TRANK1: variants seen among roughly 807,000 people sequenced by gnomAD.
TRANK1 encodes the protein tetratricopeptide repeat and ankyrin repeat containing 1.
A neutral mutation model predicts 266.0 loss-of-function variants in TRANK1; 198 were observed. That is an observed-to-expected ratio of 0.74 (90% CI 0.66 to 0.84). The LOEUF (loss-of-function observed/expected upper bound fraction) is 0.84. TRANK1 is among the 40% of genes least tolerant of loss of function. The pLI is 0.00. For missense variants in TRANK1, 3,326 were observed against 3,634.6 expected, an observed-to-expected ratio of 0.92 and a Z score of 2.18; for synonymous variants, 1,396 against 1,384.1, an observed-to-expected ratio of 1.01 and a Z score of -0.19.
At chr3:36,865,128 A>C (rs1284185242) in intron 9 of TRANK1, among the ~76,000 whole-genome samples, 2 of 149,244 alleles carry the variant, frequency 1.3e-5, no homozygotes, top group Non-Finnish European at 3.0e-5. Context: ...CCAAGGTTCA[A>C]GCAATTCTCC....
rs1048416334 is a variant in TRANK1, at chr3:36,905,328, C to T, written c.156-2053G>A. Among the ~76,000 whole-genome samples the T allele has an allele frequency of 9.2e-5, 14 of 152,012 alleles. 1 individual carries two copies. Among genetic ancestry groups the T allele is most frequent in the South Asian group, 6.2e-4 (3 of 4,806 alleles). On this transcript the variant is annotated intron_variant, in intron 2 of 23. Transcript: ENST00000645898. ...AAAAATCCCTGGGTTGAAGCCCTAC[C>T]CCTCAATGTGACAATATTTGAACAT...
At chr3:36,855,027 T>C in intron 13 of TRANK1, 146 bp downstream of exon 13, 1 of 704,200 alleles carries the variant, frequency 1.4e-6, no homozygotes, top group South Asian at 2.0e-5. Flanking sequence ...CTATCTCTTG[T>C]CCATGAGCGT....
chr3:36,932,496 G>C (rs184374680), intron 1 of TRANK1, among the ~76,000 whole-genome samples: 4 of 152,334 alleles, frequency 2.6e-5, no homozygotes, highest in African/African-American at 9.6e-5. Flanking sequence ...CTGGGAGGTG[G>C]AGGTCGCAGT....
At chr3:36,943,671 C>T (rs2080529368) in intron 1 of TRANK1, among the ~76,000 whole-genome samples, 2 of 151,570 alleles carry the variant, frequency 1.3e-5, no homozygotes, top group South Asian at 4.2e-4. Context: ...AAACAGGATG[C>T]CATCCGGATA....
At chr3:36,917,402 G>A (rs1203003727) in intron 1 of TRANK1, among the ~76,000 whole-genome samples, 3 of 152,082 alleles carry the variant, frequency 2.0e-5, no homozygotes, top group Non-Finnish European at 4.4e-5. Flanking sequence ...AGCTAAATAT[G>A]GTGTCATCAA....
intron 3 of TRANK1, among the ~76,000 whole-genome samples, chr3:36,902,130 C>T (rs1027216673): frequency 5.3e-5 from 8 of 151,916 alleles, no homozygotes; most frequent in South Asian, 2.1e-4. Context: ...AAAAAATAAC[C>T]GCAAAAAAAA....
chr3:36,857,291 T>G lies in TRANK1; in HGVS notation c.2431A>C (p.Asn811His). Residue 811 changes from asparagine to histidine, a missense_variant, in exon 13 of 24, where the codon AAT becomes CAT. Transcript: ENST00000645898. The surrounding 1 kb of genome is among the most constrained non-coding windows in gnomAD (Gnocchi z 4.3). ...VPDDNRGKEG[N>H]DDQDDWSTQE... is the part of the protein sequence containing the mutation. ...GTGCTCCAGTCATCCTGATCATCAT[T>G]GCCCTCCTTCCCCCTGTTATCATCA... is the stretch of plus-strand genomic sequence containing the variant. 6.2e-7 allele frequency: 1 copy of G among 1,610,146 alleles called. No homozygotes were observed. The highest frequency in any genetic ancestry group is 8.5e-7 in the Non-Finnish European group (1 of 1,178,010).
intron 14 of TRANK1, 86 bp downstream of exon 14, chr3:36,852,060 T>C: frequency 2.1e-6 from 3 of 1,419,976 alleles, no homozygotes; most frequent in East Asian, 2.4e-5. Context: ...TTTTTAATGC[T>C]ACTTTGTGGT....
At chr3:36,914,706 C>T (rs1022716713) in intron 1 of TRANK1, among the ~76,000 whole-genome samples, 3 of 151,740 alleles carry the variant, frequency 2.0e-5, no homozygotes, top group Non-Finnish European at 2.9e-5. Flanking sequence ...GGCGCGATCT[C>T]GGCTCACTGC....
At chr3:36,852,900 T>C (rs1184075380) in intron 13 of TRANK1, among the ~76,000 whole-genome samples, 2 of 151,200 alleles carry the variant, frequency 1.3e-5, no homozygotes, top group African/African-American at 4.9e-5. Flanking sequence ...ACAGAACCAA[T>C]ATTACCATGG....
At chr3:36,932,518 G>A (rs747745053) in intron 1 of TRANK1, among the ~76,000 whole-genome samples, 1 of 152,156 alleles carries the variant, frequency 6.6e-6, no homozygotes, top group Non-Finnish European at 1.5e-5. Flanking sequence ...AGCCGAGATC[G>A]CACCACTGCA....
chr3:36,850,718 G>A, intron 15 of TRANK1: 2 of 983,038 alleles, frequency 2.0e-6, no homozygotes, highest in Admixed American at 6.2e-5. Context: ...AAACTGCAAA[G>A]CACCTATATC....
Position 36,856,605 on chromosome 3 carries a change from G to A in TRANK1, c.3117C>T (p.Asn1039=), listed in dbSNP as rs965369021. Residue 1039 remains asparagine, a synonymous_variant, in exon 13 of 24, where the codon AAC becomes AAT. Coordinates refer to ENST00000645898, the MANE Select transcript of TRANK1 (RefSeq NM_001329998.2). Reference sequence around the variant, plus strand: ...CTGTGGCTGTCGTGTCATTGAGGATGTTAAAGGCCATGTTGGTGCTGAAGC... The same window carrying A: ...CTGTGGCTGTCGTGTCATTGAGGATATTAAAGGCCATGTTGGTGCTGAAGC... The part of the protein sequence containing the change: ...FHSFSTNMAF[N]ILNDTTATVE... 1.4e-5 allele frequency: 23 copies of A among 1,613,898 alleles called. No homozygotes were observed. The highest frequency in any genetic ancestry group is 1.9e-5 in the Non-Finnish European group (22 of 1,179,898).
chr3:36,852,260 G>A lies in TRANK1; in HGVS notation c.4635C>T (p.Gly1545=), dbSNP rs373339637. Residue 1545 remains glycine, a synonymous_variant, in exon 14 of 24, where the codon GGC becomes GGT. Transcript: ENST00000645898. ...CAGTTGGCTTAGGACCATCAAAGAG[G>A]CCAGAATCCCTTGGAAGGCGATCAA... ...ESFDRLPRDS[G]LFDGPKPTVL... The A allele has an allele frequency of 3.9e-5, 63 of 1,613,582 alleles. No homozygotes were observed. Among genetic ancestry groups the A allele is most frequent in the Non-Finnish European group, 5.1e-5 (60 of 1,179,808 alleles).
rs10633466 is a variant in TRANK1, at chr3:36,913,030, T to TTGTGTGTGTGTGTG, written c.24-4590_24-4577dup. Among the ~76,000 whole-genome samples the TTGTGTGTGTGTGTG allele has an allele frequency of 2.1e-3, 308 of 144,162 alleles. 1 individual carries two copies. Among genetic ancestry groups the TTGTGTGTGTGTGTG allele is most frequent in the African/African-American group, 4.3e-3 (165 of 38,618 alleles). The allele number at this position is 144,162 out of a possible 152,430, so 94.6% of individuals were successfully genotyped here. On this transcript the variant is annotated intron_variant, in intron 1 of 23. Transcript: ENST00000645898. Reference sequence around the variant, plus strand: ...TGAAGCTAGAAAGAGTATGTCTCTTTTGTGTGTGTGTGTGTGTGTGTGTGT... The same window carrying TTGTGTGTGTGTGTG: ...TGAAGCTAGAAAGAGTATGTCTCTTTTGTGTGTGTGTGTGTGTGTGTGTGTGTGTGTGTGTGTGT...
chr3:36,843,479 C>G (rs548795213), intron 17 of TRANK1, among the ~76,000 whole-genome samples: 73 of 152,268 alleles, frequency 4.8e-4, no homozygotes, highest in African/African-American at 1.7e-3. Flanking sequence ...AGTAATCTGA[C>G]ACATTCCTAT....
At chr3:36,862,899 G>A (rs2079164308) in intron 10 of TRANK1, among the ~76,000 whole-genome samples, 1 of 151,986 alleles carries the variant, frequency 6.6e-6, no homozygotes, top group Non-Finnish European at 1.5e-5. Flanking sequence ...TTTATTAGGA[G>A]AGTCAAAAAA....
At chr3:36,866,777 C>T (rs2079233748) in intron 9 of TRANK1, among the ~76,000 whole-genome samples, 1 of 152,172 alleles carries the variant, frequency 6.6e-6, no homozygotes, top group Non-Finnish European at 1.5e-5. Context: ...TCAAACTGCA[C>T]ACACACCAAT....
At chr3:36,927,459 C>G (rs770804823) in intron 1 of TRANK1, among the ~76,000 whole-genome samples, 1 of 152,186 alleles carries the variant, frequency 6.6e-6, no homozygotes, top group Non-Finnish European at 1.5e-5. Flanking sequence ...CCAACTATCA[C>G]CAGACACCTG....
Sources: gnomAD v4.1 joint callset for allele counts (sites outside exome capture counted in the v4.1 genomes callset) on GRCh38, gnomAD v4.1.1 for gene constraint, Gnocchi (gnomAD v3.1) non-coding constraint, MANE v1.5 for transcripts, NCBI Gene and HGNC (gene_info 2026-07-23, HGNC 2026-07-21) for gene names.